PDE6B: variants seen among roughly 807,000 people sequenced by gnomAD.
The protein encoded by PDE6B is phosphodiesterase 6B, also known as rod cGMP-specific 3',5'-cyclic phosphodiesterase subunit beta.
In PDE6B, 106 loss-of-function variants were observed where a neutral mutation model predicts 109.0. The ratio of observed to expected loss-of-function variants is 0.97; its 90% confidence interval spans 0.83 to 1.14. PDE6B has a LOEUF of 1.14. PDE6B is among the 50% of genes most tolerant of loss of function. The pLI, the probability that PDE6B is intolerant of heterozygous loss-of-function variation, is 0.00. For synonymous variants in PDE6B, 490 were observed against 471.3 expected, an observed-to-expected ratio of 1.04 and a Z score of -0.51; for missense variants, 1,193 against 1,155.6, an observed-to-expected ratio of 1.03 and a Z score of -0.47.
At chr4:639,487 A>G (rs1734847534) in intron 3 of PDE6B, among the ~76,000 whole-genome samples, 1 of 152,120 alleles carries the variant, frequency 6.6e-6, no homozygotes, top group Non-Finnish European at 1.5e-5. Flanking sequence ...CCTTAAGTTC[A>G]TGGGCAAATG....
At chr4:629,377 G>A (rs1734270487) in intron 1 of PDE6B, among the ~76,000 whole-genome samples, 1 of 152,256 alleles carries the variant, frequency 6.6e-6, no homozygotes, top group South Asian at 2.1e-4. Context: ...GGCTGGTGGG[G>A]CTCGGCCACG....
rs1577311264 is a variant in PDE6B, at chr4:667,945, T to A, written c.2442T>A (p.Tyr814Ter). 2 of 1,613,394 alleles carry A rather than the reference T, an allele frequency of 1.2e-6. No homozygotes were observed. Among genetic ancestry groups the A allele is most frequent in the Non-Finnish European group, 1.7e-6 (2 of 1,179,736 alleles). Residue 814 changes from tyrosine (Y) to a stop codon, truncating the protein, a stop_gained, in exon 21 of 22, where the codon TAT (tyrosine) becomes TAA (stop). Transcript: ENST00000496514. LOFTEE classifies it high-confidence loss of function. ...AGTGGAAGGCGCTGGCTGATGAGTA[T>A]GAGGCCAAAGTGAAGGCTCTGGAGG... ...RKEWKALADE[Y>*]EAKVKALEEK...
intron 10 of PDE6B, among the ~76,000 whole-genome samples, chr4:658,484 C>T (rs1577287182): frequency 6.6e-6 from 1 of 150,630 alleles, no homozygotes; most frequent in Non-Finnish European, 1.5e-5. Flanking sequence ...CTGTGTGGGG[C>T]AGGTCACCCA....
In PDE6B at chr4:633,022, C is replaced by T. The variant is rs1380095877; in HGVS notation, c.469-1655C>T. Reference sequence around the variant, plus strand: ...CAGAGACTCTGAATTCATCAGGGAGCACACATGGTGGCCACTGTAGCACTG... The same window carrying T: ...CAGAGACTCTGAATTCATCAGGGAGTACACATGGTGGCCACTGTAGCACTG... On this transcript the variant is annotated intron_variant, in intron 1 of 21. Transcript: ENST00000496514. This position sits in a 1 kb window ranked among gnomAD's most constrained non-coding sequence, Gnocchi z 4.5. 1.3e-5 allele frequency among the ~76,000 whole-genome samples: 2 copies of T among 152,128 alleles called. No individual in the cohort carries two copies. Among genetic ancestry groups the T allele is most frequent in the Non-Finnish European group, 2.9e-5 (2 of 68,010 alleles).
chr4:662,053 C>A lies in PDE6B; in HGVS notation c.1615-81C>A. 1 of 732,518 alleles carries A rather than the reference C, an allele frequency of 1.4e-6. No individual in the cohort carries two copies. The highest frequency in any genetic ancestry group is 2.5e-6 in the Non-Finnish European group (1 of 401,732). 45.4% of individuals were successfully genotyped at this position (732,518 alleles called of 1,614,324 possible). A position where few individuals can be genotyped will look rare whatever the true frequency, so the allele number is the denominator to read the frequency against. On this transcript the variant is annotated intron_variant, in intron 12 of 21. Coordinates refer to ENST00000496514, the MANE Select transcript of PDE6B (RefSeq NM_000283.4). This position sits in a 1 kb window ranked among gnomAD's most constrained non-coding sequence, Gnocchi z 4.3. ...ATGATGGCACGGAGCAGGGCTTCCA[C>A]TGTGAAGTCAGCCACAGGTGCCGCT...
At chr4:660,720 A>G in intron 12 of PDE6B, 107 bp downstream of exon 12, 1 of 962,698 alleles carries the variant, frequency 1.0e-6, no homozygotes, top group African/African-American at 1.6e-5. Context: ...GGGGGATGGG[A>G]TTGGGGGTTC....
At chr4:655,086 C>G (rs1298064632) in intron 6 of PDE6B, 198 bp downstream of exon 6, 2 of 615,044 alleles carry the variant, frequency 3.3e-6, no homozygotes, top group African/African-American at 3.7e-5. Flanking sequence ...ACTCACTGTT[C>G]TGGGAGATGG....
intron 21 of PDE6B, among the ~76,000 whole-genome samples, chr4:668,642 C>A (rs1245229869): frequency 7.4e-6 from 1 of 135,478 alleles, no homozygotes; most frequent in Non-Finnish European, 1.6e-5. Context: ...TCCCGCTACC[C>A]CATGCTGCTC....
At position 663,985 on chromosome 4, in the gene PDE6B, C is replaced by A; in HGVS notation, c.2021+115C>A. 1 of 1,102,622 alleles carries A rather than the reference C, an allele frequency of 9.1e-7. No homozygotes were observed. The highest frequency in any genetic ancestry group is 1.4e-6 in the Non-Finnish European group (1 of 731,476). 68.3% of individuals were successfully genotyped at this position (1,102,622 alleles called of 1,614,324 possible). A position where few individuals can be genotyped will look rare whatever the true frequency, so the allele number is the denominator to read the frequency against. ...CGGGGGACGCAGCCCCGGATTCCGTCCCTGCCCGCCGGCCCCGCGCACCCC... is the reference window on the plus strand; with the variant it reads ...CGGGGGACGCAGCCCCGGATTCCGTACCTGCCCGCCGGCCCCGCGCACCCC... On this transcript the variant is annotated intron_variant, in intron 16 of 21. Transcript: ENST00000496514. This position sits in a 1 kb window ranked among gnomAD's most constrained non-coding sequence, Gnocchi z 4.0.
intron 3 of PDE6B, among the ~76,000 whole-genome samples, chr4:647,045 G>A (rs1242745548): frequency 2.0e-5 from 3 of 151,802 alleles, no homozygotes; most frequent in Admixed American, 2.0e-4. Context: ...TTTTAGTAGA[G>A]ATGAGTGTCA....
chr4:658,099 G>C (rs1736573143), intron 10 of PDE6B, among the ~76,000 whole-genome samples: 2 of 140,522 alleles, frequency 1.4e-5, no homozygotes, highest in Non-Finnish European at 1.6e-5. Context: ...CAGAGGTCAT[G>C]GCTCTGCGGC....
intron 3 of PDE6B, among the ~76,000 whole-genome samples, chr4:645,674 A>G (rs1648804009): frequency 6.6e-6 from 1 of 151,930 alleles, no homozygotes; most frequent in Non-Finnish European, 1.5e-5. Context: ...TCTGTGTTGC[A>G]CTTACTCTTT....
chr4:656,885 G>C lies in PDE6B; in HGVS notation c.1119G>C (p.Leu373=). Residue 373 remains leucine (L), a synonymous_variant, in exon 9 of 22, where the codon CTG becomes CTC. Coordinates refer to ENST00000496514, the MANE Select transcript of PDE6B (RefSeq NM_000283.4). ...CACCGCTCCCGCAGGAAGGGGCCCT[G>C]GACGACTCCGGGTGGCTCATCAAGA... ...DEMFKFQEGA[L]DDSGWLIKNV... 1.2e-6 allele frequency: 2 copies of C among 1,612,842 alleles called. No individual in the cohort carries two copies. The highest frequency in any genetic ancestry group is 1.7e-6 in the Non-Finnish European group (2 of 1,179,960).
intron 7 of PDE6B, 97 bp downstream of exon 7, chr4:656,103 C>T: frequency 9.6e-7 from 1 of 1,036,516 alleles, no homozygotes; most frequent in South Asian, 1.3e-5. Context: ...GCCCTCCCGG[C>T]CAGCTCCACG....
rs1738410795 is a variant in PDE6B at position 670,636 on chromosome 4, T to C, written c.*529T>C. The C allele has an allele frequency of 1.1e-5, 2 of 177,806 alleles. No individual in the cohort carries two copies. The highest frequency in any genetic ancestry group is 2.4e-5 in the Non-Finnish European group (2 of 82,342). The allele number at this position is 177,806 out of a possible 1,614,324, so 11.0% of individuals were successfully genotyped here. A position where few individuals can be genotyped will look rare whatever the true frequency, so the allele number is the denominator to read the frequency against. On this transcript the variant is annotated 3_prime_UTR_variant, in exon 22 of 22. Coordinates refer to ENST00000496514, the MANE Select transcript of PDE6B (RefSeq NM_000283.4). ...ACCACTGGGAGACCTTTGAAAAGGGTCCATGAACTCTGAAATCACTGAGAA... is the reference window on the plus strand; with the variant it reads ...ACCACTGGGAGACCTTTGAAAAGGGCCCATGAACTCTGAAATCACTGAGAA...
chr4:629,459 C>T (rs546508104), intron 1 of PDE6B, among the ~76,000 whole-genome samples: 121 of 152,340 alleles, frequency 7.9e-4, no homozygotes, highest in African/African-American at 2.6e-3. Flanking sequence ...CAGCCCCAGC[C>T]GAACAGCCAC....
chr4:649,864 G>T (rs1338706124), intron 3 of PDE6B, among the ~76,000 whole-genome samples: 1 of 152,196 alleles, frequency 6.6e-6, no homozygotes, highest in African/African-American at 2.4e-5. Context: ...AGAGGGCCAT[G>T]AGGCTGAGCA....
At chr4:653,674 C>G in intron 3 of PDE6B, 178 bp from the exon 4 acceptor site, 1 of 734,764 alleles carries the variant, frequency 1.4e-6, no homozygotes, top group Non-Finnish European at 2.3e-6. Context: ...CCCACAAGCT[C>G]AGATGAAACC....
In PDE6B at chr4:655,924, T is replaced by C; in HGVS notation, c.993-16T>C. On this transcript the variant is annotated splice_polypyrimidine_tract_variant and intron_variant, in intron 6 of 21. Transcript: ENST00000496514. The stretch of plus-strand genomic sequence containing the variant: ...AGCCCGGCGTGGCCTATCTGACCCC[T>C]GCTCTCTGCCCACAGCACACCCTCA... 1 of 1,579,070 alleles carries C rather than the reference T, an allele frequency of 6.3e-7. No individual in the cohort carries two copies. Among genetic ancestry groups the C allele is most frequent in the Non-Finnish European group, 8.7e-7 (1 of 1,148,364 alleles).
Sources: allele counts gnomAD v4.1 joint callset (sites outside exome capture counted in the v4.1 genomes callset), GRCh38; gene constraint gnomAD v4.1.1; non-coding constraint Gnocchi (gnomAD v3.1); transcripts MANE v1.5; gene names NCBI Gene and HGNC (gene_info 2026-07-23, HGNC 2026-07-21).